Variants in OSER1 observed in about 807,000 individuals in gnomAD.
OSER1 encodes oxidative stress-responsive serine-rich protein 1.
A neutral mutation model predicts 26.3 loss-of-function variants in OSER1; 15 were observed. The ratio of observed to expected loss-of-function variants is 0.57; its 90% CI spans 0.38 to 0.88. OSER1 has a LOEUF of 0.88. Ranked by LOEUF, OSER1 falls within the 40% of genes least tolerant of loss-of-function variation. The pLI is 0.00. For missense variants in OSER1, 313 were observed against 353.9 expected, an observed-to-expected ratio of 0.88 and a Z score of 0.93; for synonymous variants, 127 against 128.2, an observed-to-expected ratio of 0.99 and a Z score of 0.07.
Position 44,206,999 on chromosome 20 carries a change from C to T in OSER1, c.-41-1G>A, listed in dbSNP as rs570172263. 2.5e-4 allele frequency: 365 copies of T among 1,460,504 alleles called. 2 individuals carry two copies. The South Asian group carries it at 3.7e-3, about 15-fold the overall frequency. 90.5% of individuals were successfully genotyped at this position (1,460,504 alleles called of 1,614,324 possible). ...CTACTTATCGATGTTCCTGTTTACA[C>T]TAAAAAAGAAAATAAAGTGAGCAAA... On this transcript the variant is annotated splice_acceptor_variant, in intron 1 of 3. Transcript: ENST00000255174. LOFTEE classifies it low-confidence loss of function (5UTR_SPLICE).
chr20:44,205,939 CAAAA>C lies in OSER1; in HGVS notation c.77+938_77+941del, dbSNP rs3037684. 9.1e-3 allele frequency among the ~76,000 whole-genome samples: 654 copies of C among 71,706 alleles called. 3 individuals are homozygous for C. The highest frequency in any genetic ancestry group is 0.032 in the African/African-American group (555 of 17,402). The allele number at this position is 71,706 out of a possible 152,430, so 47.0% of individuals were successfully genotyped here. Reference sequence around the variant, plus strand: ...TGGGCGACAGGGCCAGAATCCGTCTCAAAAAAAAAAAAAAAAAAAAAAAAGAGCA... The same window carrying C: ...TGGGCGACAGGGCCAGAATCCGTCTCAAAAAAAAAAAAAAAAAAAAGAGCA... On this transcript the variant is annotated intron_variant, in intron 2 of 3. Transcript: ENST00000255174.
At chr20:44,201,582 ACT>A (rs768325795) in intron 3 of OSER1, among the ~76,000 whole-genome samples, 7 of 152,210 alleles carry the variant, frequency 4.6e-5, no homozygotes, top group Non-Finnish European at 8.8e-5. Context: ...CTAAATAAAC[ACT>A]GTCTGCTTAA....
chr20:44,206,578 G>A (rs1170594833), intron 2 of OSER1, among the ~76,000 whole-genome samples: 1 of 152,172 alleles, frequency 6.6e-6, no homozygotes, highest in African/African-American at 2.4e-5. Flanking sequence ...AATCCCTAGT[G>A]GGACACCGCT....
chr20:44,206,977 C>A lies in OSER1; in HGVS notation c.-20G>T, dbSNP rs1281960646. ...TTTCATTGTGCAAGTTTTTACACTACTTATCGATGTTCCTGTTTACACTAA... is the reference window on the plus strand; with the variant it reads ...TTTCATTGTGCAAGTTTTTACACTAATTATCGATGTTCCTGTTTACACTAA... On this transcript the variant is annotated 5_prime_UTR_variant, in exon 2 of 4. Coordinates refer to ENST00000255174, the MANE Select transcript of OSER1 (RefSeq NM_016470.8). The A allele has an allele frequency of 1.5e-5, 23 of 1,584,508 alleles. No homozygotes were observed. Among genetic ancestry groups the A allele is most frequent in the Non-Finnish European group, 1.9e-5 (22 of 1,154,616 alleles).
intron 3 of OSER1, among the ~76,000 whole-genome samples, chr20:44,199,317 C>G (rs2072956940): frequency 2.0e-5 from 3 of 152,170 alleles, no homozygotes; most frequent in Admixed American, 1.3e-4. Flanking sequence ...ATAGTTATCA[C>G]AAGAACGGCT....
rs1011735680 is a variant in OSER1, at chr20:44,195,981, G to T, written c.*1071C>A. ...AATGTATTTTGTAATTTAAACAAAA[G>T]CTTCTGTTAACATTATTGCTAACAT... is the stretch of plus-strand genomic sequence containing the variant. On this transcript the variant is annotated 3_prime_UTR_variant, in exon 4 of 4. Transcript: ENST00000255174. Among the ~76,000 whole-genome samples, 1 of 152,174 alleles carries T rather than the reference G, an allele frequency of 6.6e-6. No individual in the cohort carries two copies. The highest frequency in any genetic ancestry group is 1.5e-5 in the Non-Finnish European group (1 of 68,032).
intron 2 of OSER1, among the ~76,000 whole-genome samples, chr20:44,205,959 AAAAAG>A (rs2145935959): frequency 6.6e-6 from 1 of 151,464 alleles, no homozygotes; most frequent in South Asian, 2.1e-4. Flanking sequence ...AAAAAAAAAA[AAAAAG>A]AGCAGAGGTT....
intron 3 of OSER1, among the ~76,000 whole-genome samples, chr20:44,200,378 G>A (rs4519596): frequency 0.3 from 44,880 of 151,916 alleles, 10,081 homozygotes; most frequent in African/African-American, 0.62. Context: ...ACTGAAGACA[G>A]AATGTGTCCA....
intron 1 of OSER1, among the ~76,000 whole-genome samples, chr20:44,208,328 A>C (rs910665083): frequency 3.3e-5 from 5 of 151,696 alleles, no homozygotes; most frequent in Non-Finnish European, 7.4e-5. Flanking sequence ...GCAAGGAATC[A>C]GGACTTTTCA....
intron 3 of OSER1, among the ~76,000 whole-genome samples, chr20:44,198,283 T>C (rs935396905): frequency 2.6e-5 from 4 of 152,212 alleles, no homozygotes; most frequent in Admixed American, 2.6e-4. Flanking sequence ...GGTTTTCAGA[T>C]ACTGGGAATT....
At chr20:44,210,107 T>C (rs1045678817) in intron 1 of OSER1, 1 of 152,434 alleles carries the variant, frequency 6.6e-6, no homozygotes, top group African/African-American at 2.4e-5. Flanking sequence ...CTGTCGCGGT[T>C]AAACATGAAC....
chr20:44,208,183 T>G (rs895606599), intron 1 of OSER1, among the ~76,000 whole-genome samples: 5 of 133,942 alleles, frequency 3.7e-5, no homozygotes, highest in East Asian at 5.1e-4. Context: ...GGGTCCTCTC[T>G]GATTCATATC....
At chr20:44,200,339 A>G (rs911063792) in intron 3 of OSER1, among the ~76,000 whole-genome samples, 1 of 152,224 alleles carries the variant, frequency 6.6e-6, no homozygotes, top group Admixed American at 6.5e-5. Flanking sequence ...CTTTCAGGCT[A>G]GTCACTCTAT....
At position 44,202,981 on chromosome 20, in the gene OSER1, T is replaced by G; in HGVS notation, c.171A>C (p.Ala57=). 2 of 1,606,320 alleles carry G rather than the reference T, an allele frequency of 1.2e-6. No individual in the cohort carries two copies. Among genetic ancestry groups the G allele is most frequent in the Non-Finnish European group, 1.7e-6 (2 of 1,172,874 alleles). The change falls in exon 3 of 4, where the codon GCA becomes GCC. Residue 57 remains alanine (A), a synonymous_variant. Coordinates refer to ENST00000255174, the MANE Select transcript of OSER1 (RefSeq NM_016470.8). ...CTTACCCGTGCCAACTGTCTTTAGA[T>G]GCACATGTGGTTTTAGGTTTGGTAT... ...TDDTKPKTTC[A]SKDSWHGSTR...
chr20:44,210,119 G>A (rs2073084325), intron 1 of OSER1: 1 of 152,466 alleles, frequency 6.6e-6, no homozygotes, highest in African/African-American at 2.4e-5. Flanking sequence ...AACATGAACG[G>A]AGGAAAATTC....
At position 44,197,647 on chromosome 20, in the gene OSER1, C is replaced by A. The variant is rs2072934953; in HGVS notation, c.284G>T (p.Cys95Phe). Residue 95 changes from cysteine to phenylalanine, a missense_variant, in exon 4 of 4, where the codon TGC becomes TTC. Around this residue, in one of 2 missense-constraint regions of OSER1, gnomAD observed 300 missense variants for 318.3 expected, o/e 0.94. Transcript: ENST00000255174. ...PVLHPPKFIH[C>F]STIASSSSSQ... ...GCTGGAAGAAGACGCTATTGTACTG[C>A]AATGTATAAACTTTGGAGGATGAAG... 1.2e-6 allele frequency: 2 copies of A among 1,613,802 alleles called. No individual in the cohort carries two copies. The highest frequency in any genetic ancestry group is 1.7e-6 in the Non-Finnish European group (2 of 1,179,838).
In OSER1 at chr20:44,203,069, A is replaced by G. The variant is rs764555069; in HGVS notation, c.83T>C (p.Val28Ala). ...KKLRVDASGSVASLSVGEGTG... is the reference protein window; with the variant it reads ...KKLRVDASGSAASLSVGEGTG... ...GCCTTCTCCAACAGACAGAGATGCT[A>G]CAGACCTGAAGACAAGAACAAAGTT... The change falls in exon 3 of 4, where the codon GTA becomes GCA. Residue 28 changes from valine to alanine, a missense_variant. Physicochemically the swap from Val to Ala is moderately conservative, Grantham distance 64. Coordinates refer to ENST00000255174, the MANE Select transcript of OSER1 (RefSeq NM_016470.8). The G allele has an allele frequency of 6.3e-7, 1 of 1,584,856 alleles. No homozygotes were observed. The highest frequency in any genetic ancestry group is 1.1e-5 in the South Asian group (1 of 90,372).
At chr20:44,198,410 G>C (rs1004355910) in intron 3 of OSER1, among the ~76,000 whole-genome samples, 31 of 152,110 alleles carry the variant, frequency 2.0e-4, no homozygotes, top group African/African-American at 7.5e-4. Flanking sequence ...ACGAGGTCAG[G>C]AGATTGAGAC....
chr20:44,204,978 C>T (rs2073024263), intron 2 of OSER1, among the ~76,000 whole-genome samples: 1 of 152,070 alleles, frequency 6.6e-6, no homozygotes, highest in South Asian at 2.1e-4. Flanking sequence ...GCTGGGACTA[C>T]AGGCACGCAC....
Sources: allele counts gnomAD v4.1 joint callset (sites outside exome capture counted in the v4.1 genomes callset), GRCh38; gene constraint gnomAD v4.1.1; regional missense constraint gnomAD v4.1.1; transcripts MANE v1.5; gene names NCBI Gene and HGNC (gene_info 2026-07-23, HGNC 2026-07-21).